Variants in TWF2 observed in about 807,000 individuals in gnomAD.
TWF2 encodes the protein twinfilin-2.
A neutral mutation model predicts 45.1 loss-of-function variants in TWF2; 15 were observed. That is an observed-to-expected ratio of 0.33 (90% CI 0.22 to 0.51). TWF2 has a LOEUF of 0.51. TWF2 is among the 20% of genes least tolerant of loss of function. TWF2 has a pLI of 0.97. For synonymous variants in TWF2, 177 were observed against 195.8 expected (o/e 0.90, Z 0.80); for missense variants, 423 against 469.1 (o/e 0.90, Z 0.91).
chr3:52,236,720 C>T (rs995206824), intron 1 of TWF2, among the ~76,000 whole-genome samples: 5 of 152,184 alleles, frequency 3.3e-5, no homozygotes, highest in African/African-American at 9.7e-5. Context: ...TATGCACCAC[C>T]CTCCAAGGCC....
rs749611929 is a variant in TWF2, at chr3:52,231,246, G to A, written c.379-15C>T. 2 of 1,613,720 alleles carry A rather than the reference G, an allele frequency of 1.2e-6. No individual in the cohort carries two copies. The highest frequency in any genetic ancestry group is 2.2e-5 in the East Asian group (1 of 44,866). ...GAGAGGTCATCCTGCAGGGGTGGGG[G>A]TGAATGCAGAGCCATAAATGGGCAC... is the stretch of plus-strand genomic sequence containing the variant. On this transcript the variant is annotated splice_polypyrimidine_tract_variant and intron_variant, in intron 4 of 8. Coordinates refer to ENST00000305533, the MANE Select transcript of TWF2 (RefSeq NM_007284.4).
At chr3:52,231,798 T>G (rs1440301361) in intron 3 of TWF2, 146 bp downstream of exon 3, 1 of 1,242,386 alleles carries the variant, frequency 8.0e-7, no homozygotes, top group African/African-American at 1.5e-5. Context: ...TGACCCTCTC[T>G]CAGACTCCCT....
rs985943479 is a variant in TWF2 at position 52,229,777 on chromosome 3, T to C, written c.766A>G (p.Ile256Val). The change falls in exon 8 of 9, where the codon ATC (isoleucine) becomes GTC (valine). Residue 256 changes from isoleucine to valine, a missense_variant. By Grantham distance (29) the Ile-to-Val change is conservative. Coordinates refer to ENST00000305533, the MANE Select transcript of TWF2 (RefSeq NM_007284.4). ...EGDPLESVVF[I>V]YSMPGYKCSI... ...CACTTGTACCCCGGCATGGAGTAGA[T>C]GAACACTGTTGGGGGGCAGGAGGTG... 1.2e-6 allele frequency: 2 copies of C among 1,612,086 alleles called. No homozygotes were observed. Among genetic ancestry groups the C allele is most frequent in the African/African-American group, 1.3e-5 (1 of 74,912 alleles).
intron 1 of TWF2, 147 bp from the exon 2 acceptor site, chr3:52,235,253 C>T: frequency 2.8e-6 from 2 of 709,910 alleles, no homozygotes; most frequent in Admixed American, 2.5e-5. Flanking sequence ...CTGAGACAGC[C>T]ACTGAACACA....
At chr3:52,238,595 G>A (rs1435584728) in intron 1 of TWF2, among the ~76,000 whole-genome samples, 1 of 152,204 alleles carries the variant, frequency 6.6e-6, no homozygotes. Flanking sequence ...ACAGTCACTA[G>A]TGCCAGTGCA....
In TWF2 at chr3:52,229,194, A is replaced by G. The variant is rs910416866; in HGVS notation, c.890T>C (p.Ile297Thr). The G allele has an allele frequency of 2.5e-6, 4 of 1,611,180 alleles. No homozygotes were observed. The highest frequency in any genetic ancestry group is 3.3e-5 in the Admixed American group (2 of 60,014). Residue 297 changes from isoleucine to threonine, a missense_variant, in exon 9 of 9, where the codon ATT (isoleucine) becomes ACT (threonine). Physicochemically the swap from Ile to Thr is moderately conservative, Grantham distance 89. Transcript: ENST00000305533. ...TGCCGTCAGCTCTGCCCCATCGCCA[A>G]TCTCAATCTGCATGGGGCAAGGCAG... Reference protein sequence around the residue: ...FHLEIAKKIEIGDGAELTAEF... With the variant: ...FHLEIAKKIETGDGAELTAEF...
In TWF2 at chr3:52,228,764, G is replaced by A; in HGVS notation, c.*270C>T. 1 of 509,972 alleles carries A rather than the reference G, an allele frequency of 2.0e-6. No homozygotes were observed. Among genetic ancestry groups the A allele is most frequent in the Non-Finnish European group, 3.5e-6 (1 of 289,324 alleles). 31.6% of individuals were successfully genotyped at this position (509,972 alleles called of 1,614,324 possible). On this transcript the variant is annotated 3_prime_UTR_variant, in exon 9 of 9. Transcript: ENST00000305533. ...CTAGTCTCAGCTCCCCGGGAGGCCAGGTTCATGCCAGGCCCCTGACCCAGC... is the reference window on the plus strand; with the variant it reads ...CTAGTCTCAGCTCCCCGGGAGGCCAAGTTCATGCCAGGCCCCTGACCCAGC...
In TWF2 at chr3:52,229,629, T is replaced by TG. The variant is rs764004469; in HGVS notation, c.882+31dup. ...ACATGGAGATTGGAGTGATAGGGCC[T>TG]GGGGAGGTGAGGCCCTGGGGAGGGC... On this transcript the variant is annotated intron_variant, in intron 8 of 8. Transcript: ENST00000305533. 27 of 1,611,142 alleles carry TG rather than the reference T, an allele frequency of 1.7e-5. No individual in the cohort carries two copies. In the South Asian group the frequency reaches 3.0e-4, roughly 18 times the overall value.
chr3:52,239,120 C>G lies in TWF2; in HGVS notation c.-104G>C. The G allele has an allele frequency of 5.2e-6, 7 of 1,345,626 alleles. No individual in the cohort carries two copies. Among genetic ancestry groups the G allele is most frequent in the Middle Eastern group, 5.0e-4 (2 of 3,964 alleles). The allele number at this position is 1,345,626 out of a possible 1,614,324, so 83.4% of individuals were successfully genotyped here. A position where few individuals can be genotyped will look rare whatever the true frequency, so the allele number is the denominator to read the frequency against. On this transcript the variant is annotated 5_prime_UTR_variant, in exon 1 of 9. Coordinates refer to ENST00000305533, the MANE Select transcript of TWF2 (RefSeq NM_007284.4). ...AGGTGGAGGATGTGGCGGAGGCTGTCGACCCTCGCGCAGCTTCCCGGGCGG... is the reference window on the plus strand; with the variant it reads ...AGGTGGAGGATGTGGCGGAGGCTGTGGACCCTCGCGCAGCTTCCCGGGCGG...
rs1384873031 is a variant in TWF2 at position 52,230,021 on chromosome 3, G to A, written c.659C>T (p.Thr220Met). 5.6e-6 allele frequency: 9 copies of A among 1,610,114 alleles called. No individual in the cohort carries two copies. The highest frequency in any genetic ancestry group is 4.5e-5 in the East Asian group (2 of 44,838). Residue 220 changes from threonine (T) to methionine (M), a missense_variant, in exon 7 of 9, where the codon ACG becomes ATG. By Grantham distance (81) the Thr-to-Met change is moderately conservative (BLOSUM62 -1). Coordinates refer to ENST00000305533, the MANE Select transcript of TWF2 (RefSeq NM_007284.4). Reference protein sequence around the residue: ...ETIELVHTEPTDVAQLPSRVP... With the variant: ...ETIELVHTEPMDVAQLPSRVP... The stretch of plus-strand genomic sequence containing the variant: ...CCGGGAGGGCAGCTGGGCCACATCC[G>A]TGGGCTCTGTGTGCACCAGCTCAAT...
intron 4 of TWF2, 53 bp downstream of exon 4, chr3:52,231,391 C>T (rs771252342): frequency 2.6e-5 from 41 of 1,595,666 alleles, no homozygotes; most frequent in Non-Finnish European, 3.5e-5. Context: ...TGCACAGTGA[C>T]CCCTCTCTGT....
At chr3:52,236,899 C>A (rs1213075410) in intron 1 of TWF2, among the ~76,000 whole-genome samples, 1 of 152,170 alleles carries the variant, frequency 6.6e-6, no homozygotes, top group Non-Finnish European at 1.5e-5. Context: ...TGGGGCTCCA[C>A]TTCTCCCTCA....
At chr3:52,231,276 G>A (rs1312839597) in intron 4 of TWF2, 45 bp from the exon 5 acceptor site, 1 of 1,608,822 alleles carries the variant, frequency 6.2e-7, no homozygotes, top group Admixed American at 1.7e-5. Flanking sequence ...GGGCACCTGG[G>A]GATTGGCTAG....
At chr3:52,233,656 C>T (rs530523757) in intron 2 of TWF2, among the ~76,000 whole-genome samples, 3 of 152,230 alleles carry the variant, frequency 2.0e-5, no homozygotes, top group East Asian at 1.9e-4. Flanking sequence ...CGGCTGGGCA[C>T]GGTGGCTTAT....
rs1052009936 is a variant in TWF2 at position 52,229,582 on chromosome 3, C to G, written c.882+79G>C. On this transcript the variant is annotated intron_variant, in intron 8 of 8. Coordinates refer to ENST00000305533, the MANE Select transcript of TWF2 (RefSeq NM_007284.4). ...ACAGCAACGATTCCTGCTCTGCCGTCATCTCAGGACCCCAGCGCCCCACAT... is the reference window on the plus strand; with the variant it reads ...ACAGCAACGATTCCTGCTCTGCCGTGATCTCAGGACCCCAGCGCCCCACAT... The G allele has an allele frequency of 1.7e-5, 27 of 1,568,454 alleles. No homozygotes were observed. In the South Asian group the frequency reaches 2.4e-4, roughly 14 times the overall value.
Position 52,229,903 on chromosome 3 carries a change from C to G in TWF2, c.760+17G>C. ...CCACCCAGCCACAGGCTTGGGAGCC[C>G]TGCCATGGCCACTCACCTACAGACT... On this transcript the variant is annotated intron_variant, in intron 7 of 8. Transcript: ENST00000305533. 1.2e-6 allele frequency: 2 copies of G among 1,601,120 alleles called. No homozygotes were observed. The highest frequency in any genetic ancestry group is 1.7e-6 in the Non-Finnish European group (2 of 1,171,172).
At chr3:52,236,802 G>A (rs1254080616) in intron 1 of TWF2, among the ~76,000 whole-genome samples, 1 of 152,066 alleles carries the variant, frequency 6.6e-6, no homozygotes, top group African/African-American at 2.4e-5. Flanking sequence ...TGGAACTGTA[G>A]GCAGGTGGAC....
intron 3 of TWF2, 23 bp downstream of exon 3, chr3:52,231,921 C>A: frequency 1.9e-6 from 3 of 1,603,622 alleles, no homozygotes. Flanking sequence ...CCCCTCCTCA[C>A]TTCCCACTGG....
chr3:52,236,983 T>TG (rs1429923633), intron 1 of TWF2, among the ~76,000 whole-genome samples: 1 of 152,196 alleles, frequency 6.6e-6, no homozygotes, highest in Non-Finnish European at 1.5e-5. Flanking sequence ...GGCAGGGCTG[T>TG]GGTGAGGGGT....
Sources: allele counts gnomAD v4.1 joint callset (sites outside exome capture counted in the v4.1 genomes callset), GRCh38; gene constraint gnomAD v4.1.1; transcripts MANE v1.5; gene names NCBI Gene and HGNC (gene_info 2026-07-23, HGNC 2026-07-21).